Variants in LEPR observed in about 807,000 individuals in gnomAD.
The protein encoded by LEPR is OB receptor.
In LEPR, 56 loss-of-function variants were observed where a neutral mutation model predicts 114.7. The observed-to-expected ratio is 0.49, with a 90% confidence interval of 0.39 to 0.61. The LOEUF (loss-of-function observed/expected upper bound fraction) is 0.61, where lower values mean the gene tolerates loss of function less well. Among genes scored for constraint, LEPR ranks in the 20% least tolerant of loss-of-function variants. The pLI is 0.00. For synonymous variants in LEPR, 443 were observed against 461.4 expected (o/e 0.96, Z 0.51); for missense variants, 1,202 against 1,352.9 (o/e 0.89, Z 1.75).
chr1:65,505,971 T>G (rs1169219164), intron 2 of LEPR, among the ~76,000 whole-genome samples: 1 of 152,196 alleles, frequency 6.6e-6, no homozygotes, highest in Non-Finnish European at 1.5e-5. Context: ...AAAATGTTCT[T>G]TGTTTTGTGA....
chr1:65,457,270 AG>A (rs1646889557), intron 2 of LEPR, among the ~76,000 whole-genome samples: 1 of 152,210 alleles, frequency 6.6e-6, no homozygotes, highest in East Asian at 1.9e-4. Flanking sequence ...GTTAAGAATA[AG>A]AAAAATAGAA....
intron 19 of LEPR, among the ~76,000 whole-genome samples, chr1:65,626,637 A>C (rs2101026065): frequency 6.6e-6 from 1 of 152,290 alleles, no homozygotes. Context: ...CTCCTAAACA[A>C]TTAAAATGTA....
At chr1:65,596,795 G>C (rs1656096181) in intron 7 of LEPR, among the ~76,000 whole-genome samples, 1 of 151,996 alleles carries the variant, frequency 6.6e-6, no homozygotes. Flanking sequence ...TCTAGTTACA[G>C]AAACTTGAAT....
At chr1:65,511,860 T>G (rs1218260805) in intron 2 of LEPR, among the ~76,000 whole-genome samples, 1 of 152,172 alleles carries the variant, frequency 6.6e-6, no homozygotes, top group Non-Finnish European at 1.5e-5. Context: ...AAAACCCCTC[T>G]GCAACTCGGG....
At chr1:65,576,868 A>G (rs777904598) in intron 5 of LEPR, 5 of 324,350 alleles carry the variant, frequency 1.5e-5, no homozygotes, top group Non-Finnish European at 3.0e-5. Flanking sequence ...CAGATCTGAA[A>G]TGTTATTTCC....
chr1:65,465,603 C>T (rs1463455580), intron 2 of LEPR, among the ~76,000 whole-genome samples: 2 of 152,136 alleles, frequency 1.3e-5, no homozygotes, highest in Admixed American at 1.3e-4. Context: ...TCTCGTTGAT[C>T]TGTCTAATAT....
intron 2 of LEPR, chr1:65,434,572 A>T: frequency 1.0e-6 from 1 of 985,428 alleles, no homozygotes; most frequent in Non-Finnish European, 1.2e-6. Flanking sequence ...CTAACCTGTG[A>T]TACTGAAGGT....
intron 2 of LEPR, among the ~76,000 whole-genome samples, chr1:65,527,200 T>C (rs1022418199): frequency 6.6e-6 from 1 of 152,228 alleles, no homozygotes; most frequent in Admixed American, 6.5e-5. Context: ...TGGCTACTTT[T>C]TAGCATAAAG....
chr1:65,508,398 TTCATG>T (rs1488584422), intron 2 of LEPR, among the ~76,000 whole-genome samples: 2 of 152,320 alleles, frequency 1.3e-5, no homozygotes, highest in Admixed American at 1.3e-4. Context: ...TTGATTATTC[TTCATG>T]TGGATATCCA....
rs538223607 is a variant in LEPR at position 65,522,943 on chromosome 1, G to A, written c.-20-42603G>A. Among the ~76,000 whole-genome samples the A allele has an allele frequency of 4.0e-5, 6 of 151,396 alleles. No individual in the cohort carries two copies. In the East Asian group the frequency reaches 7.8e-4, roughly 20 times the overall value. Reference sequence around the variant, plus strand: ...TCTCATTGTAGAGATGTTTTTCACCGTAGTAATAATTTGCTTAGCTGCTTG... The same window carrying A: ...TCTCATTGTAGAGATGTTTTTCACCATAGTAATAATTTGCTTAGCTGCTTG... On this transcript the variant is annotated intron_variant, in intron 2 of 19. Coordinates refer to ENST00000349533, the MANE Select transcript of LEPR (RefSeq NM_002303.6).
At chr1:65,566,285 C>T (rs1238348112) in intron 3 of LEPR, among the ~76,000 whole-genome samples, 1 of 150,956 alleles carries the variant, frequency 6.6e-6, no homozygotes, top group Non-Finnish European at 1.5e-5. Context: ...CCACTGCAAC[C>T]TCTGCCTCCT....
chr1:65,577,379 T>A (rs1202674905), intron 5 of LEPR: 1 of 152,870 alleles, frequency 6.5e-6, no homozygotes, highest in Non-Finnish European at 1.5e-5. Flanking sequence ...TCCATAAAGA[T>A]GATTTCATGA....
At chr1:65,468,236 G>T (rs988712221) in intron 2 of LEPR, among the ~76,000 whole-genome samples, 3 of 152,186 alleles carry the variant, frequency 2.0e-5, no homozygotes. Flanking sequence ...CTGACTCAAT[G>T]TAATGTGGTG....
At chr1:65,466,883 T>C (rs772375597) in intron 2 of LEPR, among the ~76,000 whole-genome samples, 11 of 152,214 alleles carry the variant, frequency 7.2e-5, no homozygotes, top group Non-Finnish European at 1.6e-4. Flanking sequence ...CATCAGGTCA[T>C]TTAAGGTCTT....
intron 2 of LEPR, among the ~76,000 whole-genome samples, chr1:65,479,491 G>A (rs765592520): frequency 1.1e-4 from 17 of 152,068 alleles, no homozygotes; most frequent in Non-Finnish European, 2.1e-4. Flanking sequence ...GATAGAGATA[G>A]GACATATCAT....
At chr1:65,568,725 T>C (rs1653948868) in intron 3 of LEPR, among the ~76,000 whole-genome samples, 1 of 150,136 alleles carries the variant, frequency 6.7e-6, no homozygotes, top group Non-Finnish European at 1.5e-5. Flanking sequence ...ATAGTTCTAC[T>C]TTTAGTTCTT....
At chr1:65,600,724 G>T (rs980586222) in intron 8 of LEPR, among the ~76,000 whole-genome samples, 29 of 151,748 alleles carry the variant, frequency 1.9e-4, no homozygotes, top group Non-Finnish European at 3.4e-4. Context: ...ATCATGTGTA[G>T]GCATTAAAAA....
At chr1:65,497,266 A>G (rs17127690) in intron 2 of LEPR, among the ~76,000 whole-genome samples, 32,401 of 152,058 alleles carry the variant, frequency 0.21, 4,510 homozygotes, top group African/African-American at 0.4. Flanking sequence ...CTGACCCTGA[A>G]AGAAAAGCAA....
chr1:65,488,194 T>TTCTTTCTTTC (rs1290744189), intron 2 of LEPR, among the ~76,000 whole-genome samples: 274 of 22,936 alleles, frequency 0.012, 6 homozygotes, highest in Non-Finnish European at 0.019. Context: ...CTTTCTTTCT[T>TTCTTTCTTTC]TCTTTCTTTC....
Sources: allele counts gnomAD v4.1 joint callset (sites outside exome capture counted in the v4.1 genomes callset), GRCh38; gene constraint gnomAD v4.1.1; transcripts MANE v1.5; gene names NCBI Gene and HGNC (gene_info 2026-07-23, HGNC 2026-07-21).